The following HERC4 variants were observed in gnomAD, a reference collection of about 807,000 sequenced individuals.
HERC4 encodes probable E3 ubiquitin-protein ligase HERC4.
HERC4 carries 28 observed loss-of-function variants against 124.3 expected under a neutral mutation model. That is an observed-to-expected ratio of 0.23 (90% CI 0.17 to 0.31). The LOEUF is 0.31. HERC4 is among the 10% of genes least tolerant of loss of function. HERC4 has a pLI of 1.00. For missense variants in HERC4, 713 were observed against 1,229.3 expected (o/e 0.58, Z 6.28); for synonymous variants, 407 against 421.5 (o/e 0.97, Z 0.42).
intron 15 of HERC4, among the ~76,000 whole-genome samples, chr10:67,974,543 C>T (rs928238081): frequency 5.3e-5 from 8 of 152,100 alleles, no homozygotes; most frequent in Non-Finnish European, 1.2e-4. Flanking sequence ...CAAACAGGTG[C>T]TCAATAAATA....
rs2038433795 is a variant in HERC4, at chr10:68,018,977, AG to A, written c.909-4792del. On this transcript the variant is annotated intron_variant, in intron 8 of 24. Transcript: ENST00000373700. ...TATGAAAGTAATAAAGGTCATCATC[AG>A]CCAAAGCATTCTTTCTTTTTTTTTT... 1.4e-5 allele frequency among the ~76,000 whole-genome samples: 2 copies of A among 143,728 alleles called. 1 individual carries two copies. Among genetic ancestry groups the A allele is most frequent in the African/African-American group, 5.2e-5 (2 of 38,754 alleles). The allele number at this position is 143,728 out of a possible 152,430, so 94.3% of individuals were successfully genotyped here.
intron 6 of HERC4, 21 bp downstream of exon 6, chr10:68,033,944 C>T (rs2133367966): frequency 6.3e-7 from 1 of 1,595,012 alleles, no homozygotes; most frequent in Non-Finnish European, 8.6e-7. Flanking sequence ...TACACTTAAA[C>T]TATACATAAT....
At chr10:68,073,397 T>C (rs1440257490) in intron 2 of HERC4, among the ~76,000 whole-genome samples, 2 of 152,212 alleles carry the variant, frequency 1.3e-5, no homozygotes, top group African/African-American at 4.8e-5. Flanking sequence ...TGACACTTTC[T>C]ATGATCCTTT....
intron 16 of HERC4, among the ~76,000 whole-genome samples, chr10:67,963,318 G>C (rs2034640368): frequency 6.6e-6 from 1 of 152,160 alleles, no homozygotes; most frequent in Non-Finnish European, 1.5e-5. Flanking sequence ...CCGGGTTCAA[G>C]CCATTCTCCT....
intron 9 of HERC4, among the ~76,000 whole-genome samples, chr10:68,008,532 C>T (rs1422026963): frequency 5.3e-5 from 8 of 152,120 alleles, no homozygotes; most frequent in South Asian, 2.1e-4. Flanking sequence ...TGCTGCTGAC[C>T]GGTTGGGGAT....
At chr10:68,010,007 T>A (rs1302592380) in intron 9 of HERC4, among the ~76,000 whole-genome samples, 2 of 152,110 alleles carry the variant, frequency 1.3e-5, no homozygotes, top group Non-Finnish European at 2.9e-5. Context: ...ATATGGGGAT[T>A]AAAATCAAGA....
chr10:67,928,594 C>A (rs2031416519), intron 23 of HERC4, among the ~76,000 whole-genome samples: 1 of 152,022 alleles, frequency 6.6e-6, no homozygotes, highest in African/African-American at 2.4e-5. Flanking sequence ...CATGGTATAC[C>A]AATTCTTGAG....
rs946868994 is a variant in HERC4, at chr10:68,039,430, A to T, written c.387-1261T>A. On this transcript the variant is annotated intron_variant, in intron 4 of 24. Coordinates refer to ENST00000373700, the MANE Select transcript of HERC4 (RefSeq NM_015601.4). The stretch of plus-strand genomic sequence containing the variant: ...CTGTCACCTGACCTGATTCTGCCAT[A>T]AGAGAGTCCGGAGCAAATTCTGACC... The T allele has an allele frequency of 9.7e-6, 15 of 1,550,752 alleles. No individual in the cohort carries two copies. In the Admixed American group the frequency reaches 2.9e-4, roughly 30 times the overall value.
At chr10:68,016,508 A>C (rs1255018857) in intron 8 of HERC4, among the ~76,000 whole-genome samples, 1 of 152,074 alleles carries the variant, frequency 6.6e-6, no homozygotes, top group Non-Finnish European at 1.5e-5. Flanking sequence ...ATGTGCCACC[A>C]TGCCCAGCTA....
At chr10:68,022,562 C>T (rs1008718136) in intron 8 of HERC4, among the ~76,000 whole-genome samples, 1 of 151,046 alleles carries the variant, frequency 6.6e-6, no homozygotes, top group Non-Finnish European at 1.5e-5. Context: ...AGATCAAAGA[C>T]CTAAATGTAA....
intron 9 of HERC4, among the ~76,000 whole-genome samples, chr10:68,011,138 C>A (rs994067721): frequency 1.3e-5 from 2 of 152,168 alleles, no homozygotes; most frequent in African/African-American, 4.8e-5. Flanking sequence ...TCATAGCTCA[C>A]TGTAAACCTT....
intron 3 of HERC4, among the ~76,000 whole-genome samples, chr10:68,056,712 C>T (rs1307753858): frequency 6.6e-6 from 1 of 152,154 alleles, no homozygotes; most frequent in East Asian, 1.9e-4. Context: ...CTACTGGCCA[C>T]AGTTCTCATG....
At chr10:68,008,669 A>G (rs1314219531) in intron 9 of HERC4, among the ~76,000 whole-genome samples, 3 of 152,144 alleles carry the variant, frequency 2.0e-5, no homozygotes, top group Admixed American at 2.0e-4. Flanking sequence ...AATAATTAAC[A>G]CTCCTGTATA....
chr10:68,019,527 C>T (rs1023585007), intron 8 of HERC4, among the ~76,000 whole-genome samples: 1 of 152,088 alleles, frequency 6.6e-6, no homozygotes, highest in African/African-American at 2.4e-5. Flanking sequence ...CAGGGGGATT[C>T]TTGGAAAATC....
chr10:68,050,715 CA>C (rs2040252545), intron 3 of HERC4, among the ~76,000 whole-genome samples: 1 of 152,088 alleles, frequency 6.6e-6, no homozygotes, highest in Non-Finnish European at 1.5e-5. Context: ...TGAATAATCT[CA>C]ACCATTTTTC....
intron 22 of HERC4, among the ~76,000 whole-genome samples, chr10:67,935,426 T>C (rs2032272020): frequency 6.6e-6 from 1 of 152,130 alleles, no homozygotes; most frequent in South Asian, 2.1e-4. Context: ...ATTGCAGGTG[T>C]GAGTCACTGT....
intron 15 of HERC4, among the ~76,000 whole-genome samples, chr10:67,985,225 T>C (rs2036193119): frequency 6.6e-6 from 1 of 152,150 alleles, no homozygotes; most frequent in South Asian, 2.1e-4. Context: ...CCAAAAAGTT[T>C]AGACAATCTC....
intron 5 of HERC4, among the ~76,000 whole-genome samples, chr10:68,037,022 T>C (rs1439821642): frequency 6.6e-6 from 1 of 152,094 alleles, no homozygotes; most frequent in African/African-American, 2.4e-5. Flanking sequence ...CCTAGTGCTT[T>C]ATTTGTAGTA....
intron 15 of HERC4, among the ~76,000 whole-genome samples, chr10:67,985,312 C>T (rs1228912812): frequency 6.6e-6 from 1 of 152,104 alleles, no homozygotes; most frequent in Non-Finnish European, 1.5e-5. Context: ...TAATAATAAG[C>T]ACATAGTAGG....
Sources: gnomAD v4.1 joint callset for allele counts (sites outside exome capture counted in the v4.1 genomes callset) on GRCh38, gnomAD v4.1.1 for gene constraint, MANE v1.5 for transcripts, NCBI Gene and HGNC (gene_info 2026-07-23, HGNC 2026-07-21) for gene names.